ZFYVE28: variants seen among roughly 807,000 people sequenced by gnomAD.
The protein encoded by ZFYVE28 is lateral signaling target protein 2 homolog.
A neutral mutation model predicts 82.1 loss-of-function variants in ZFYVE28; 40 were observed. The ratio of observed to expected loss-of-function variants is 0.49; its 90% confidence interval spans 0.38 to 0.63. The LOEUF is 0.63. ZFYVE28 is among the 30% of genes least tolerant of loss of function. The probability of loss-of-function intolerance (pLI) is 0.00; values close to 1 mark genes in which losing one functional copy is unlikely to be tolerated. For missense variants in ZFYVE28, 1,321 were observed against 1,242.1 expected, an observed-to-expected ratio of 1.06 and a Z score of -0.96; for synonymous variants, 612 against 546.1, an observed-to-expected ratio of 1.12 and a Z score of -1.68.
At position 2,409,837 on chromosome 4, in the gene ZFYVE28, G is replaced by A. The variant is rs1295338846; in HGVS notation, c.39+8448C>T. Among the ~76,000 whole-genome samples, 5 of 152,242 alleles carry A rather than the reference G, an allele frequency of 3.3e-5. No individual in the cohort carries two copies. The highest frequency in any genetic ancestry group is 4.8e-5 in the African/African-American group (2 of 41,452). On this transcript the variant is annotated intron_variant, in intron 1 of 12. Coordinates refer to ENST00000290974, the MANE Select transcript of ZFYVE28 (RefSeq NM_020972.3). The surrounding 1 kb of genome is among the most constrained non-coding windows in gnomAD (Gnocchi z 4.4). Reference sequence around the variant, plus strand: ...AAGCCCCAGGACAAGGGCCCTGCCAGCAGCACAGGGTGGGAGGAGAGGCTG... The same window carrying A: ...AAGCCCCAGGACAAGGGCCCTGCCAACAGCACAGGGTGGGAGGAGAGGCTG...
At chr4:2,376,681 T>C (rs1194264685) in intron 1 of ZFYVE28, among the ~76,000 whole-genome samples, 2 of 152,194 alleles carry the variant, frequency 1.3e-5, no homozygotes, top group Admixed American at 6.5e-5. Context: ...GCCCCCTTGA[T>C]TCAATTACGT....
intron 1 of ZFYVE28, among the ~76,000 whole-genome samples, chr4:2,407,077 G>A (rs906651131): frequency 6.6e-6 from 1 of 151,584 alleles, no homozygotes; most frequent in Admixed American, 6.6e-5. Flanking sequence ...GCTCCCCAAG[G>A]TGACTGCTGC....
intron 7 of ZFYVE28, among the ~76,000 whole-genome samples, chr4:2,307,476 G>A (rs556592065): frequency 7.2e-5 from 11 of 152,130 alleles, no homozygotes; most frequent in South Asian, 2.1e-4. Context: ...TGTTCTCCTT[G>A]ATATTTTCCT....
intron 7 of ZFYVE28, among the ~76,000 whole-genome samples, chr4:2,315,259 T>C (rs572722579): frequency 5.3e-5 from 8 of 152,218 alleles, no homozygotes; most frequent in Non-Finnish European, 1.0e-4. Context: ...ATGCTGGTTG[T>C]CAGCTATTTT....
At chr4:2,403,379 A>G (rs3135072) in intron 1 of ZFYVE28, among the ~76,000 whole-genome samples, 129,329 of 152,280 alleles carry the variant, frequency 0.85, 55,077 homozygotes, top group Admixed American at 0.9. Flanking sequence ...AGTCACACAC[A>G]CGAGTGTCAA....
At chr4:2,363,772 G>C (rs928568056) in intron 1 of ZFYVE28, among the ~76,000 whole-genome samples, 1 of 152,216 alleles carries the variant, frequency 6.6e-6, no homozygotes, top group African/African-American at 2.4e-5. Flanking sequence ...CACGAAGTAG[G>C]AGTCTTCTCT....
In ZFYVE28 at chr4:2,270,732, C is replaced by T; in HGVS notation, c.2657G>A (p.Gly886Asp). 6.2e-7 allele frequency: 1 copy of T among 1,613,148 alleles called. No homozygotes were observed. The highest frequency in any genetic ancestry group is 1.7e-5 in the Admixed American group (1 of 60,022). Reference sequence around the variant, plus strand: ...GCTGCCCCTGGCACCACGTCACAGGCCGGCCTTGTCGCTGTAGAAGGGCGT... The same window carrying T: ...GCTGCCCCTGGCACCACGTCACAGGTCGGCCTTGTCGCTGTAGAAGGGCGT... ...HVTPFYSDKA[G>D]L The change falls in exon 13 of 13, where the codon GGC (glycine) becomes GAC (aspartate). Residue 886 changes from glycine to aspartate, a missense_variant. By Grantham distance (94) the Gly-to-Asp change is moderately conservative. This residue lies in a region of ZFYVE28 where 978 missense variants were observed against 833.7 expected (regional missense o/e 1.17). Transcript: ENST00000290974.
chr4:2,354,039 T>C lies in ZFYVE28; in HGVS notation c.74A>G (p.Tyr25Cys), dbSNP rs142574087. 43 of 1,577,782 alleles carry C rather than the reference T, an allele frequency of 2.7e-5. No individual in the cohort carries two copies. Among genetic ancestry groups the C allele is most frequent in the African/African-American group, 4.1e-5 (3 of 73,194 alleles). The change falls in exon 2 of 13, where the codon TAT becomes TGT. Residue 25 changes from tyrosine to cysteine, a missense_variant. Tyr to Cys is a radical substitution (Grantham distance 194, BLOSUM62 -2). Around this residue, in one of 2 missense-constraint regions of ZFYVE28, gnomAD observed 343 missense variants for 408.4 expected, o/e 0.84. Transcript: ENST00000290974. The part of the protein sequence containing the change: ...SDPQLLARFY[Y>C]ADEELNQVAA... ...CACCTGGTTCAGCTCCTCGTCGGCATAGTAGAACCGGGCAAGCAGCTGCGG... is the reference window on the plus strand; with the variant it reads ...CACCTGGTTCAGCTCCTCGTCGGCACAGTAGAACCGGGCAAGCAGCTGCGG...
At chr4:2,291,668 C>G (rs1455705757) in intron 8 of ZFYVE28, among the ~76,000 whole-genome samples, 4 of 152,176 alleles carry the variant, frequency 2.6e-5, no homozygotes, top group Non-Finnish European at 4.4e-5. Context: ...AGCTGCACCT[C>G]AAGGGGCAGC....
At chr4:2,288,218 G>A (rs1156622160) in intron 8 of ZFYVE28, among the ~76,000 whole-genome samples, 1 of 152,152 alleles carries the variant, frequency 6.6e-6, no homozygotes, top group African/African-American at 2.4e-5. Flanking sequence ...AAGGCCCGAG[G>A]ACCTGCATCA....
rs189746153 is a variant in ZFYVE28 at position 2,405,512 on chromosome 4, C to T, written c.39+12773G>A. On this transcript the variant is annotated intron_variant, in intron 1 of 12. Transcript: ENST00000290974. Reference sequence around the variant, plus strand: ...CCATCATTCCCTGCAGTGCCCCGCTCCCACTGCAGGCAGCCACATGGCCGA... The same window carrying T: ...CCATCATTCCCTGCAGTGCCCCGCTTCCACTGCAGGCAGCCACATGGCCGA... 6.0e-3 allele frequency among the ~76,000 whole-genome samples: 918 copies of T among 152,374 alleles called. 4 individuals carry two copies. The highest frequency in any genetic ancestry group is 0.018 in the African/African-American group (736 of 41,594).
At position 2,304,659 on chromosome 4, in the gene ZFYVE28, G is replaced by A. The variant is rs780425997; in HGVS notation, c.1681C>T (p.Leu561=). 5.0e-6 allele frequency: 8 copies of A among 1,612,652 alleles called. No homozygotes were observed. The highest frequency in any genetic ancestry group is 6.8e-6 in the Non-Finnish European group (8 of 1,179,890). ...CTCCCACAGCACACGCAGGAATGCA[G>A]AAGGCAGTTGGTGGCCCCAGTGCTA... ...KLSTGATNCL[L]HSCVCCGSCG... The change falls in exon 8 of 13, where the codon CTG becomes TTG. Residue 561 remains leucine (L), a synonymous_variant. Transcript: ENST00000290974.
chr4:2,351,225 A>G (rs540354120), intron 2 of ZFYVE28, among the ~76,000 whole-genome samples: 1 of 152,206 alleles, frequency 6.6e-6, no homozygotes, highest in African/African-American at 2.4e-5. Context: ...TCCCCTGCAG[A>G]ACCTGCTGGG....
intron 9 of ZFYVE28, 120 bp downstream of exon 9, chr4:2,273,942 G>T: frequency 1.7e-6 from 2 of 1,166,114 alleles, no homozygotes; most frequent in Non-Finnish European, 2.4e-6. Context: ...CTTAGGGGCA[G>T]AGTGGGCTGC....
chr4:2,296,312 G>C (rs1278835951), intron 8 of ZFYVE28, among the ~76,000 whole-genome samples: 1 of 152,188 alleles, frequency 6.6e-6, no homozygotes, highest in African/African-American at 2.4e-5. Flanking sequence ...CACCGAGCTT[G>C]CTAAGGTTTC....
At chr4:2,376,064 G>A (rs1229606597) in intron 1 of ZFYVE28, among the ~76,000 whole-genome samples, 1 of 151,736 alleles carries the variant, frequency 6.6e-6, no homozygotes, top group African/African-American at 2.4e-5. Context: ...TAGTAGAGAC[G>A]AGGTTTCACC....
At chr4:2,340,089 A>G (rs1722545650) in intron 3 of ZFYVE28, among the ~76,000 whole-genome samples, 1 of 152,148 alleles carries the variant, frequency 6.6e-6, no homozygotes, top group Non-Finnish European at 1.5e-5. Context: ...CTCCACAATC[A>G]GGTCTGTGCT....
At chr4:2,330,591 G>C in intron 6 of ZFYVE28, 2 of 1,275,526 alleles carry the variant, frequency 1.6e-6, no homozygotes, top group Non-Finnish European at 2.0e-6. Flanking sequence ...GAATGGGATA[G>C]CATAGAGGAG....
intron 1 of ZFYVE28, among the ~76,000 whole-genome samples, chr4:2,371,559 G>T (rs1277578334): frequency 6.6e-6 from 1 of 152,146 alleles, no homozygotes. Context: ...CATATGGCAG[G>T]AAAAAGCCAA....
Sources: allele counts gnomAD v4.1 joint callset (sites outside exome capture counted in the v4.1 genomes callset), GRCh38; gene constraint gnomAD v4.1.1; regional missense constraint gnomAD v4.1.1; non-coding constraint Gnocchi (gnomAD v3.1); transcripts MANE v1.5; gene names NCBI Gene and HGNC (gene_info 2026-07-23, HGNC 2026-07-21).